ACACA: variants seen among roughly 807,000 people sequenced by gnomAD.
ACACA encodes acetyl-CoA carboxylase 1.
ACACA carries 103 observed loss-of-function variants against 296.1 expected under a neutral mutation model. The observed-to-expected ratio is 0.35, with a 90% CI of 0.30 to 0.41. The LOEUF is 0.41. ACACA is among the 10% of genes least tolerant of loss of function. The pLI is 1.00. For synonymous variants in ACACA, 953 were observed against 1,038.6 expected (o/e 0.92, Z 1.58); for missense variants, 1,554 against 2,989.7 (o/e 0.52, Z 11.20).
chr17:37,129,439 T>A lies in ACACA; in HGVS notation c.5870A>T (p.Asp1957Val). Residue 1957 changes from aspartate to valine, a missense_variant, in exon 47 of 56, where the codon GAC becomes GTC. Coordinates refer to ENST00000616317, the MANE Select transcript of ACACA (RefSeq NM_198834.3). ...VPLLNSKDPI[D>V]RIIEFVPTKT... is the part of the protein sequence containing the mutation. ...TGTGGGAACAAACTCGATGATTCTG[T>A]CTATAGGATCCTTTGAGTTCAGAAG... is the stretch of plus-strand genomic sequence containing the variant. 1 of 1,614,096 alleles carries A rather than the reference T, an allele frequency of 6.2e-7. No homozygotes were observed. The highest frequency in any genetic ancestry group is 8.5e-7 in the Non-Finnish European group (1 of 1,180,004).
intron 3 of ACACA, among the ~76,000 whole-genome samples, chr17:37,322,634 C>T (rs149026474): frequency 1.7e-3 from 255 of 152,240 alleles, no homozygotes; most frequent in Admixed American, 3.3e-3. Context: ...AAACCCGAGA[C>T]CACAGCAGGC....
At chr17:37,093,313 T>A (rs928022433) in intron 54 of ACACA, among the ~76,000 whole-genome samples, 1 of 152,168 alleles carries the variant, frequency 6.6e-6, no homozygotes, top group Non-Finnish European at 1.5e-5. Context: ...TGTGGGAACA[T>A]GAGAGCATGC....
chr17:37,365,641 C>G (rs1008354059), intron 1 of ACACA: 3 of 985,308 alleles, frequency 3.0e-6, no homozygotes, highest in East Asian at 1.1e-4. Flanking sequence ...AATACTATGT[C>G]TCTTTGCTCT....
intron 1 of ACACA, among the ~76,000 whole-genome samples, chr17:37,374,174 C>T (rs1194906324): frequency 6.6e-6 from 1 of 152,002 alleles, no homozygotes; most frequent in Admixed American, 6.6e-5. Flanking sequence ...ACCTGGGCAA[C>T]ACAGTGAGAC....
At position 37,365,704 on chromosome 17, in the gene ACACA, A is replaced by G. The variant is rs546950744; in HGVS notation, c.39-25854T>C. 5 of 985,446 alleles carry G rather than the reference A, an allele frequency of 5.1e-6. No homozygotes were observed. In the East Asian group the frequency reaches 4.5e-4, roughly 89 times the overall value. 61.0% of individuals were successfully genotyped at this position (985,446 alleles called of 1,614,324 possible). ...TAAGAGCCTGAAGGAACTTCATACC[A>G]TAAGGTCAGAAAATCTCCTCAGGAA... On this transcript the variant is annotated intron_variant, in intron 1 of 55. Transcript: ENST00000616317.
chr17:37,102,431 A>G lies in ACACA; in HGVS notation c.6566-4447T>C, dbSNP rs1157207293. On this transcript the variant is annotated intron_variant, in intron 52 of 55. Coordinates refer to ENST00000616317, the MANE Select transcript of ACACA (RefSeq NM_198834.3). ...TGTTGGCCAGACTGGTCTCAAACTG[A>G]CCTCAGGTGATCTGCCTGCCTCGGC... Among the ~76,000 whole-genome samples, 6 of 152,086 alleles carry G rather than the reference A, an allele frequency of 3.9e-5. No homozygotes were observed. In the East Asian group the frequency reaches 1.2e-3, roughly 29 times the overall value.
intron 3 of ACACA, chr17:37,289,305 A>G: frequency 4.4e-6 from 2 of 456,422 alleles, no homozygotes; most frequent in South Asian, 4.1e-5. Context: ...CTGTCCACAT[A>G]AAACAGGTAT....
intron 45 of ACACA, among the ~76,000 whole-genome samples, chr17:37,145,004 C>T (rs2075754171): frequency 6.6e-6 from 1 of 152,162 alleles, no homozygotes; most frequent in Admixed American, 6.5e-5. Context: ...TCTCTCTCCC[C>T]AAGTCTGGGG....
At chr17:37,115,499 C>G (rs2074200988) in intron 50 of ACACA, among the ~76,000 whole-genome samples, 1 of 151,902 alleles carries the variant, frequency 6.6e-6, no homozygotes, top group Non-Finnish European at 1.5e-5. Context: ...AGTCATTCTA[C>G]CTGAAAAAGA....
chr17:37,174,433 G>A (rs2077030955), intron 41 of ACACA, among the ~76,000 whole-genome samples: 1 of 152,070 alleles, frequency 6.6e-6, no homozygotes, highest in Non-Finnish European at 1.5e-5. Flanking sequence ...CTGACACCTA[G>A]CGCCCATCTG....
chr17:37,220,634 G>A (rs2079241866), intron 29 of ACACA, among the ~76,000 whole-genome samples: 1 of 152,188 alleles, frequency 6.6e-6, no homozygotes, highest in Non-Finnish European at 1.5e-5. Context: ...TTCTCTGCCA[G>A]CCATAAGGTA....
At chr17:37,130,290 A>G in intron 45 of ACACA, 72 bp from the exon 46 acceptor site, 2 of 1,577,038 alleles carry the variant, frequency 1.3e-6, no homozygotes, top group Non-Finnish European at 8.7e-7. Flanking sequence ...CACAAGTCGC[A>G]CTAAAATGGG....
intron 16 of ACACA, among the ~76,000 whole-genome samples, chr17:37,251,644 T>C (rs2081000472): frequency 6.6e-6 from 1 of 152,214 alleles, no homozygotes; most frequent in Non-Finnish European, 1.5e-5. Flanking sequence ...GTGGTACAAG[T>C]AATACATGAA....
chr17:37,212,617 CCATAAT>C (rs2078797923), intron 29 of ACACA, among the ~76,000 whole-genome samples: 1 of 151,648 alleles, frequency 6.6e-6, no homozygotes, highest in Non-Finnish European at 1.5e-5. Context: ...TTGGTCATGT[CCATAAT>C]GATCATTTAC....
chr17:37,276,596 A>G (rs145513637), intron 7 of ACACA, among the ~76,000 whole-genome samples: 2 of 152,380 alleles, frequency 1.3e-5, no homozygotes, highest in Admixed American at 6.5e-5. Flanking sequence ...AGTCAGAAGA[A>G]GTATCTCTCA....
intron 39 of ACACA, among the ~76,000 whole-genome samples, chr17:37,183,311 T>A (rs1430563180): frequency 6.6e-6 from 1 of 152,218 alleles, no homozygotes; most frequent in Admixed American, 6.5e-5. Flanking sequence ...GAAATTTAAA[T>A]GGTACAAATA....
intron 47 of ACACA, among the ~76,000 whole-genome samples, chr17:37,129,132 C>G (rs2074967262): frequency 6.6e-6 from 1 of 152,158 alleles, no homozygotes; most frequent in African/African-American, 2.4e-5. Flanking sequence ...TTCGTGACTG[C>G]ACTGCTTGAC....
At chr17:37,287,129 G>A (rs561089321) in intron 3 of ACACA, among the ~76,000 whole-genome samples, 18 of 152,232 alleles carry the variant, frequency 1.2e-4, no homozygotes, top group South Asian at 2.1e-4. Flanking sequence ...TTTGTACACC[G>A]TTTGATAGAC....
intron 41 of ACACA, chr17:37,163,210 A>AAAAAAAAAAAC (rs2076535998): frequency 6.7e-6 from 1 of 149,956 alleles, no homozygotes; most frequent in African/African-American, 2.5e-5. Flanking sequence ...AAAAAAAAAA[A>AAAAAAAAAAAC]AAAAAAGAGT....
Sources: allele counts gnomAD v4.1 joint callset (sites outside exome capture counted in the v4.1 genomes callset), GRCh38; gene constraint gnomAD v4.1.1; transcripts MANE v1.5; gene names NCBI Gene and HGNC (gene_info 2026-07-23, HGNC 2026-07-21).